Variants in PAPPA observed in about 807,000 individuals in gnomAD.
The protein encoded by PAPPA is pappalysin-1.
Under a neutral mutation model 164.0 loss-of-function variants are expected in PAPPA, and 60 were observed. The ratio of observed to expected loss-of-function variants is 0.37; its 90% CI spans 0.30 to 0.45. The LOEUF (loss-of-function observed/expected upper bound fraction) is 0.45. Among genes scored for constraint, PAPPA ranks in the 20% least tolerant of loss-of-function variants. PAPPA has a pLI of 1.00. For missense variants in PAPPA, 1,782 were observed against 2,087.3 expected (o/e 0.85, Z 2.85); for synonymous variants, 875 against 814.1 (o/e 1.07, Z -1.27).
chr9:116,273,413 G>A (rs964696613), intron 9 of PAPPA, among the ~76,000 whole-genome samples: 5 of 152,194 alleles, frequency 3.3e-5, no homozygotes, highest in African/African-American at 1.2e-4. Context: ...GCTACAATGA[G>A]AGTTCAGTGA....
intron 1 of PAPPA, among the ~76,000 whole-genome samples, chr9:116,168,603 T>G (rs1032418329): frequency 2.0e-5 from 3 of 152,174 alleles, no homozygotes; most frequent in African/African-American, 7.2e-5. Flanking sequence ...GTATGTAGAG[T>G]GTGTGCTCTG....
At chr9:116,254,642 C>T (rs555967729) in intron 7 of PAPPA, among the ~76,000 whole-genome samples, 43 of 151,806 alleles carry the variant, frequency 2.8e-4, no homozygotes, top group East Asian at 7.8e-4. Context: ...ATTAGCCGGG[C>T]GTGGTGGTGG....
At position 116,207,532 on chromosome 9, in the gene PAPPA, A is replaced by G; in HGVS notation, c.1555A>G (p.Lys519Glu). ...GSTHLNIFFA[K>E]SSEEELAGVA... ...AACACATCTCAATATTTTCTTTGCA[A>G]AATCCTCAGAGGAGGAGTTGGCAGG... Residue 519 changes from lysine to glutamate, a missense_variant, in exon 3 of 22, where the codon AAA (lysine) becomes GAA (glutamate). Transcript: ENST00000328252. 1 of 1,613,634 alleles carries G rather than the reference A, an allele frequency of 6.2e-7. No individual in the cohort carries two copies. Among genetic ancestry groups the G allele is most frequent in the Non-Finnish European group, 8.5e-7 (1 of 1,179,706 alleles).
chr9:116,165,944 T>A (rs1203313253), intron 1 of PAPPA, among the ~76,000 whole-genome samples: 10 of 152,212 alleles, frequency 6.6e-5, no homozygotes, highest in Non-Finnish European at 1.2e-4. Context: ...ATATTTGAGA[T>A]CTTATCCATC....
At chr9:116,167,793 G>A (rs543816022) in intron 1 of PAPPA, among the ~76,000 whole-genome samples, 28 of 152,206 alleles carry the variant, frequency 1.8e-4, no homozygotes, top group African/African-American at 6.5e-4. Context: ...CCCTCAAAAG[G>A]CTGATTTAAT....
chr9:116,391,355 G>A (rs983498248), intron 21 of PAPPA, among the ~76,000 whole-genome samples: 3 of 152,134 alleles, frequency 2.0e-5, no homozygotes, highest in Non-Finnish European at 4.4e-5. Flanking sequence ...ACTCAACCAG[G>A]TGAAGTGACC....
At chr9:116,367,103 TAGA>T (rs1443511275) in intron 18 of PAPPA, among the ~76,000 whole-genome samples, 1 of 152,162 alleles carries the variant, frequency 6.6e-6, no homozygotes, top group Non-Finnish European at 1.5e-5. Flanking sequence ...GCAAACTTCT[TAGA>T]AGAATTGAAC....
At chr9:116,288,095 G>A (rs902883085) in intron 9 of PAPPA, among the ~76,000 whole-genome samples, 2 of 152,188 alleles carry the variant, frequency 1.3e-5, no homozygotes, top group Admixed American at 6.5e-5. Context: ...ACCAGGCCAG[G>A]CGCGATGGCT....
At position 116,347,136 on chromosome 9, in the gene PAPPA, C is replaced by T; in HGVS notation, c.3891C>T (p.Ser1297=). The part of the protein sequence containing the change: ...IPDHHQVYAA[S]FSCPEGTTFG... ...ATCACCATCAAGTCTATGCTGCCTC[C>T]TTCTCCTGCCCTGAGGGCACCACCT... The change falls in exon 15 of 22, where the codon TCC becomes TCT. Residue 1297 remains serine (S), a synonymous_variant. Coordinates refer to ENST00000328252, the MANE Select transcript of PAPPA (RefSeq NM_002581.5). This position sits in a 1 kb window ranked among gnomAD's most constrained non-coding sequence, Gnocchi z 4.5. 6.2e-7 allele frequency: 1 copy of T among 1,614,198 alleles called. No homozygotes were observed. Among genetic ancestry groups the T allele is most frequent in the Non-Finnish European group, 8.5e-7 (1 of 1,180,006 alleles).
chr9:116,295,321 C>CG (rs961692641), intron 9 of PAPPA, among the ~76,000 whole-genome samples: 56 of 151,888 alleles, frequency 3.7e-4, no homozygotes, highest in Non-Finnish European at 5.3e-4. Context: ...GGAGGCTGAA[C>CG]GGGGGGTGGA....
At chr9:116,368,468 C>T (rs1846531100) in intron 19 of PAPPA, among the ~76,000 whole-genome samples, 1 of 152,214 alleles carries the variant, frequency 6.6e-6, no homozygotes, top group Non-Finnish European at 1.5e-5. Context: ...GTGCTTCCCA[C>T]AGTGCCAGGC....
chr9:116,280,113 A>T (rs2118841909), intron 9 of PAPPA, among the ~76,000 whole-genome samples: 1 of 152,312 alleles, frequency 6.6e-6, no homozygotes, highest in African/African-American at 2.4e-5. Flanking sequence ...ACCCAGGCAG[A>T]AGATTCTGCA....
In PAPPA at chr9:116,156,348, GTA is replaced by G. The variant is rs746877150; in HGVS notation, c.415+1776_415+1777del. Among the ~76,000 whole-genome samples the G allele has an allele frequency of 8.5e-5, 10 of 117,074 alleles. No individual in the cohort carries two copies. The East Asian group carries it at 1.2e-3, about 14-fold the overall frequency. 76.8% of individuals were successfully genotyped at this position (117,074 alleles called of 152,430 possible). On this transcript the variant is annotated intron_variant, in intron 1 of 21. Transcript: ENST00000328252. ...TATATATATGTGTATATATATATAT[GTA>G]TATATATATATATAACACCTGGGAT...
intron 3 of PAPPA, among the ~76,000 whole-genome samples, chr9:116,210,684 T>A (rs565388298): frequency 6.6e-6 from 1 of 152,176 alleles, no homozygotes; most frequent in East Asian, 1.9e-4. Flanking sequence ...GCCAAGCAAT[T>A]CTCAATCTTC....
At chr9:116,202,530 C>T (rs147571508) in intron 2 of PAPPA, among the ~76,000 whole-genome samples, 59 of 152,158 alleles carry the variant, frequency 3.9e-4, no homozygotes, top group African/African-American at 1.3e-3. Context: ...TCCAGGGGAC[C>T]CGCAATCTCA....
At chr9:116,344,395 C>T in intron 13 of PAPPA, 148 bp from the exon 14 acceptor site, 1 of 671,480 alleles carries the variant, frequency 1.5e-6, no homozygotes, top group Admixed American at 2.6e-5. Context: ...CCTCTAGAGT[C>T]ATCTTCACCC....
At chr9:116,388,149 A>G (rs1393919603) in intron 21 of PAPPA, among the ~76,000 whole-genome samples, 1 of 152,148 alleles carries the variant, frequency 6.6e-6, no homozygotes, top group African/African-American at 2.4e-5. Context: ...GCTGGCAGAC[A>G]AGAGCAAGAC....
rs1275260417 is a variant in PAPPA at position 116,401,891 on chromosome 9, ATAATC to A, written c.*5279_*5283del. 6.6e-6 allele frequency: 1 copy of A among 151,958 alleles called. No homozygotes were observed. The highest frequency in any genetic ancestry group is 1.5e-5 in the Non-Finnish European group (1 of 67,886). The allele number at this position is 151,958 out of a possible 1,614,324, so 9.4% of individuals were successfully genotyped here. On this transcript the variant is annotated 3_prime_UTR_variant, in exon 22 of 22. Coordinates refer to ENST00000328252, the MANE Select transcript of PAPPA (RefSeq NM_002581.5). ...GAAAAAGAAGAAAGACACAAAGAAA[ATAATC>A]TAAACACCAAAAACTAAACACAATT...
chr9:116,362,502 T>C lies in PAPPA; in HGVS notation c.4348-90T>C. The C allele has an allele frequency of 3.6e-6, 5 of 1,391,574 alleles. No homozygotes were observed. The South Asian group carries it at 7.0e-5, about 19-fold the overall frequency. 86.2% of individuals were successfully genotyped at this position (1,391,574 alleles called of 1,614,324 possible). A position where few individuals can be genotyped will look rare whatever the true frequency, so the allele number is the denominator to read the frequency against. ...GGAACACTTCAGAGCTCTGGAGAGA[T>C]GAAAAATTCTTTTCTGTTGTATTCA... is the stretch of plus-strand genomic sequence containing the variant. On this transcript the variant is annotated intron_variant, in intron 17 of 21. Coordinates refer to ENST00000328252, the MANE Select transcript of PAPPA (RefSeq NM_002581.5).
Sources: allele counts gnomAD v4.1 joint callset (sites outside exome capture counted in the v4.1 genomes callset), GRCh38; gene constraint gnomAD v4.1.1; non-coding constraint Gnocchi (gnomAD v3.1); transcripts MANE v1.5; gene names NCBI Gene and HGNC (gene_info 2026-07-23, HGNC 2026-07-21).